The following KCNQ3 variants were observed in gnomAD, a reference collection of about 807,000 sequenced individuals.
KCNQ3 encodes potassium voltage-gated channel subfamily Q member 3, also known as potassium voltage-gated channel subfamily KQT member 3.
KCNQ3 carries 30 observed loss-of-function variants against 92.5 expected under a neutral mutation model. The ratio of observed to expected loss-of-function variants is 0.32; its 90% confidence interval spans 0.24 to 0.44. The LOEUF (loss-of-function observed/expected upper bound fraction) is 0.44. KCNQ3 is among the 20% of genes least tolerant of loss of function. The pLI, the probability that KCNQ3 is intolerant of heterozygous loss-of-function variation, is 1.00. For missense variants in KCNQ3, 913 were observed against 1,140.3 expected (o/e 0.80, Z 2.87); for synonymous variants, 450 against 468.8 (o/e 0.96, Z 0.52).
At chr8:132,146,695 C>T (rs996966005) in intron 9 of KCNQ3, among the ~76,000 whole-genome samples, 9 of 151,814 alleles carry the variant, frequency 5.9e-5, no homozygotes, top group Middle Eastern at 3.4e-3. Flanking sequence ...TGGGTTCAAG[C>T]GATTCTCCTC....
intron 1 of KCNQ3, among the ~76,000 whole-genome samples, chr8:132,254,851 C>T (rs1815530453): frequency 6.6e-6 from 1 of 152,042 alleles, no homozygotes; most frequent in East Asian, 1.9e-4. Context: ...TGCACTCCAG[C>T]CTGGGTGACA....
chr8:132,442,049 C>T (rs967516327), intron 1 of KCNQ3, among the ~76,000 whole-genome samples: 4 of 152,004 alleles, frequency 2.6e-5, no homozygotes, highest in East Asian at 1.9e-4. Context: ...CACACAGAGG[C>T]GAACAGCATA....
At chr8:132,295,531 G>A (rs1249051943) in intron 1 of KCNQ3, among the ~76,000 whole-genome samples, 3 of 152,180 alleles carry the variant, frequency 2.0e-5, no homozygotes, top group Non-Finnish European at 2.9e-5. Flanking sequence ...TCCCATTACC[G>A]GGCGTATACC....
intron 1 of KCNQ3, among the ~76,000 whole-genome samples, chr8:132,360,351 G>A (rs536161455): frequency 2.0e-5 from 3 of 152,104 alleles, no homozygotes; most frequent in East Asian, 1.9e-4. Context: ...TTGCTTCCTC[G>A]CACTTATCTG....
At chr8:132,254,850 G>A (rs1489256696) in intron 1 of KCNQ3, among the ~76,000 whole-genome samples, 1 of 152,178 alleles carries the variant, frequency 6.6e-6, no homozygotes, top group African/African-American at 2.4e-5. Flanking sequence ...TTGCACTCCA[G>A]CCTGGGTGAC....
rs1822462198 is a variant in KCNQ3, at chr8:132,478,375, AC to A, written c.386+1771del. ...AGGACCCCCAGGTTTTTCAGTCAGT[AC>A]GTACTGAACGCGATGTGCATGTGAA... On this transcript the variant is annotated intron_variant, in intron 1 of 14. Coordinates refer to ENST00000388996, the MANE Select transcript of KCNQ3 (RefSeq NM_004519.4). Among the ~76,000 whole-genome samples the A allele has an allele frequency of 2.0e-5, 3 of 152,190 alleles. No individual in the cohort carries two copies. The South Asian group carries it at 6.2e-4, about 32-fold the overall frequency.
intron 3 of KCNQ3, 45 bp from the exon 4 acceptor site, chr8:132,180,374 G>A (rs1304042110): frequency 3.7e-6 from 6 of 1,606,618 alleles, no homozygotes; most frequent in East Asian, 2.2e-5. Context: ...GGGAAAGGAA[G>A]GTCATGCGAA....
Position 132,453,675 on chromosome 8 carries a change from G to GT in KCNQ3, c.386+26471dup, listed in dbSNP as rs34672514. 8.3e-3 allele frequency among the ~76,000 whole-genome samples: 1,238 copies of GT among 149,544 alleles called. 8 individuals are homozygous for GT. The highest frequency in any genetic ancestry group is 0.018 in the African/African-American group (732 of 40,844). On this transcript the variant is annotated intron_variant, in intron 1 of 14. Coordinates refer to ENST00000388996, the MANE Select transcript of KCNQ3 (RefSeq NM_004519.4). ...ATGATCAGTCAATTCTCATTGATCT[G>GT]TTTTTTTTTTATCATCTCTGAGCAC...
At chr8:132,193,231 C>T (rs1186907397) in intron 1 of KCNQ3, among the ~76,000 whole-genome samples, 1 of 152,224 alleles carries the variant, frequency 6.6e-6, no homozygotes, top group South Asian at 2.1e-4. Flanking sequence ...TCAACAGTCA[C>T]GAATATGCCC....
At chr8:132,389,608 T>C (rs1819995103) in intron 1 of KCNQ3, among the ~76,000 whole-genome samples, 1 of 152,240 alleles carries the variant, frequency 6.6e-6, no homozygotes, top group South Asian at 2.1e-4. Flanking sequence ...GGAAAAGTGA[T>C]GTAGAGACTA....
At chr8:132,235,340 T>C (rs1376217136) in intron 1 of KCNQ3, among the ~76,000 whole-genome samples, 1 of 152,094 alleles carries the variant, frequency 6.6e-6, no homozygotes, top group African/African-American at 2.4e-5. Context: ...CCGTCTCTAC[T>C]AAAAATACGA....
chr8:132,227,971 C>G (rs1814488002), intron 1 of KCNQ3, among the ~76,000 whole-genome samples: 1 of 151,780 alleles, frequency 6.6e-6, no homozygotes, highest in East Asian at 1.9e-4. Context: ...GAAACACACT[C>G]AAGTTCAAAC....
intron 1 of KCNQ3, among the ~76,000 whole-genome samples, chr8:132,389,399 C>T (rs556743998): frequency 5.9e-5 from 9 of 152,316 alleles, no homozygotes; most frequent in East Asian, 3.9e-4. Context: ...GCTGAGATTG[C>T]GCCATTGCAC....
At chr8:132,430,436 T>C (rs1265038602) in intron 1 of KCNQ3, among the ~76,000 whole-genome samples, 1 of 152,260 alleles carries the variant, frequency 6.6e-6, no homozygotes, top group Non-Finnish European at 1.5e-5. Context: ...CAAAGGTCCC[T>C]GTGCCAGCCC....
intron 1 of KCNQ3, among the ~76,000 whole-genome samples, chr8:132,294,187 G>C (rs1429752589): frequency 1.3e-5 from 2 of 152,056 alleles, no homozygotes; most frequent in African/African-American, 4.8e-5. Context: ...ATTTTTAGTA[G>C]AGACAGGGTT....
At chr8:132,288,689 G>T (rs1816749756) in intron 1 of KCNQ3, among the ~76,000 whole-genome samples, 1 of 151,104 alleles carries the variant, frequency 6.6e-6, no homozygotes, top group Non-Finnish European at 1.5e-5. Context: ...TTGTATGGGT[G>T]TTTTTTTTTC....
chr8:132,314,305 C>A (rs1044472210), intron 1 of KCNQ3, among the ~76,000 whole-genome samples: 1 of 152,030 alleles, frequency 6.6e-6, no homozygotes, highest in African/African-American at 2.4e-5. Context: ...GAATAAAAGT[C>A]CCGACATTAA....
At chr8:132,319,879 C>CT (rs1217299150) in intron 1 of KCNQ3, among the ~76,000 whole-genome samples, 7 of 152,190 alleles carry the variant, frequency 4.6e-5, no homozygotes, top group African/African-American at 1.7e-4. Flanking sequence ...AATGAAGTGT[C>CT]TACTATGGCA....
chr8:132,398,816 G>C (rs1481743864), intron 1 of KCNQ3, among the ~76,000 whole-genome samples: 1 of 152,170 alleles, frequency 6.6e-6, no homozygotes, highest in Non-Finnish European at 1.5e-5. Context: ...GCATGTTGAT[G>C]GATTGAATGG....
Sources: gnomAD v4.1 joint callset for allele counts (sites outside exome capture counted in the v4.1 genomes callset) on GRCh38, gnomAD v4.1.1 for gene constraint, MANE v1.5 for transcripts, NCBI Gene and HGNC (gene_info 2026-07-23, HGNC 2026-07-21) for gene names.